Variants in MAPKBP1 observed in about 807,000 individuals in gnomAD.
The protein encoded by MAPKBP1 is mitogen-activated protein kinase binding protein 1.
A neutral mutation model predicts 170.5 loss-of-function variants in MAPKBP1; 71 were observed. That is an observed-to-expected ratio of 0.42 (90% CI 0.34 to 0.51). MAPKBP1 has a LOEUF of 0.51. MAPKBP1 is among the 20% of genes least tolerant of loss of function. MAPKBP1 has a pLI of 0.06. For synonymous variants in MAPKBP1, 719 were observed against 757.9 expected (o/e 0.95, Z 0.84); for missense variants, 1,598 against 1,933.0 (o/e 0.83, Z 3.25).
At chr15:41,810,040 A>G (rs928883055) in intron 3 of MAPKBP1, among the ~76,000 whole-genome samples, 9 of 151,864 alleles carry the variant, frequency 5.9e-5, no homozygotes, top group Non-Finnish European at 2.9e-5. Context: ...CTCGCCTCCC[A>G]CTTCCTTCCT....
At chr15:41,787,375 G>A (rs1456393132) in intron 2 of MAPKBP1, among the ~76,000 whole-genome samples, 1 of 148,632 alleles carries the variant, frequency 6.7e-6, no homozygotes, top group African/African-American at 2.5e-5. Flanking sequence ...TTTATTTTTG[G>A]GTGGGGGGCA....
At chr15:41,781,815 G>A (rs1731069040) in intron 2 of MAPKBP1, among the ~76,000 whole-genome samples, 1 of 152,006 alleles carries the variant, frequency 6.6e-6, no homozygotes, top group Non-Finnish European at 1.5e-5. Context: ...TTCAGGATTT[G>A]AGTGTTGCTC....
At chr15:41,782,952 G>T (rs545129934) in intron 2 of MAPKBP1, among the ~76,000 whole-genome samples, 1 of 152,190 alleles carries the variant, frequency 6.6e-6, no homozygotes, top group Admixed American at 6.5e-5. Context: ...TCCAGCTCCA[G>T]ATTTCCTGAA....
chr15:41,825,838 A>T lies in MAPKBP1; in HGVS notation c.*402A>T. ...CACAGGGTACTCTGGGGTCGAGGTG[A>T]GAGGTGATGTGGTATTCAGTGCCCG... On this transcript the variant is annotated 3_prime_UTR_variant, in exon 31 of 31. Transcript: ENST00000457542. 6.2e-6 allele frequency: 1 copy of T among 161,134 alleles called. No homozygotes were observed. Among genetic ancestry groups the T allele is most frequent in the Non-Finnish European group, 1.4e-5 (1 of 73,804 alleles). 10.0% of individuals were successfully genotyped at this position (161,134 alleles called of 1,614,324 possible). A position where few individuals can be genotyped will look rare whatever the true frequency, so the allele number is the denominator to read the frequency against.
At chr15:41,813,884 AAGAT>A in intron 9 of MAPKBP1, 103 bp downstream of exon 9, 1 of 1,323,870 alleles carries the variant, frequency 7.6e-7, no homozygotes, top group Non-Finnish European at 1.0e-6. Context: ...TGATGCCCCA[AAGAT>A]TATTGGGAAC....
Position 41,825,227 on chromosome 15 carries a change from C to T in MAPKBP1, c.4318C>T (p.Pro1440Ser). 1 of 1,589,566 alleles carries T rather than the reference C, an allele frequency of 6.3e-7. No homozygotes were observed. The highest frequency in any genetic ancestry group is 8.6e-7 in the Non-Finnish European group (1 of 1,161,932). Residue 1440 changes from proline (P) to serine (S), a missense_variant, in exon 31 of 31, where the codon CCC becomes TCC. Coordinates refer to ENST00000457542, the MANE Select transcript of MAPKBP1 (RefSeq NM_014994.3). Reference sequence around the variant, plus strand: ...ATTTCAGGTGGCTGGCTGCAAGATGCCCTCAGCAGAGCAAAGTCGGATTGC... The same window carrying T: ...ATTTCAGGTGGCTGGCTGCAAGATGTCCTCAGCAGAGCAAAGTCGGATTGC... ...LYHSVAGCKM[P>S]SAEQSRIAQL...
intron 21 of MAPKBP1, 61 bp downstream of exon 21, chr15:41,819,440 T>A: frequency 6.2e-7 from 1 of 1,603,796 alleles, no homozygotes; most frequent in Non-Finnish European, 8.5e-7. Flanking sequence ...CTAGATATGG[T>A]TTTTCTGAGA....
intron 3 of MAPKBP1, among the ~76,000 whole-genome samples, chr15:41,808,312 G>A (rs2152076843): frequency 6.6e-6 from 1 of 150,856 alleles, no homozygotes; most frequent in Admixed American, 6.6e-5. Flanking sequence ...TCACCATGTT[G>A]GCCAGGATGG....
chr15:41,818,852 A>G lies in MAPKBP1; in HGVS notation c.2186A>G (p.Glu729Gly), dbSNP rs764764294. ...SCIFVWRLSS[E>G]MTISMRQRLA... ...ATATTTGTGTGGCGCCTGAGCTCTG[A>G]GATGACCATCAGCATGAGGCAGCGT... Residue 729 changes from glutamate (E) to glycine (G), a missense_variant, in exon 20 of 31, where the codon GAG becomes GGG. Glu to Gly is a moderately conservative substitution (Grantham distance 98). Transcript: ENST00000457542. The surrounding 1 kb of genome is among the most constrained non-coding windows in gnomAD (Gnocchi z 5.2). 6.2e-7 allele frequency: 1 copy of G among 1,614,168 alleles called. No individual in the cohort carries two copies. The highest frequency in any genetic ancestry group is 1.1e-5 in the South Asian group (1 of 91,080).
At chr15:41,825,034 G>T (rs2065066530) in intron 30 of MAPKBP1, 175 bp from the exon 31 acceptor site, 3 of 573,274 alleles carry the variant, frequency 5.2e-6, no homozygotes, top group African/African-American at 1.9e-5. Flanking sequence ...TTCCTCCTTG[G>T]GCGTCACCCC....
chr15:41,825,382 A>C lies in MAPKBP1; in HGVS notation c.4473A>C (p.Gln1491His), dbSNP rs1052866901. Residue 1491 changes from glutamine (Q) to histidine (H), a missense_variant, in exon 31 of 31, where the codon CAA (glutamine) becomes CAC (histidine). By Grantham distance (24) the Gln-to-His change is conservative. Coordinates refer to ENST00000457542, the MANE Select transcript of MAPKBP1 (RefSeq NM_014994.3). ...AGCAGACACAGGCCCTGCTGGAGCA[A>C]TACTCAGAACTGTTGCTTCGAGCCG... ...GAEQTQALLEQYSELLLRAVE... is the reference protein window; with the variant it reads ...GAEQTQALLEHYSELLLRAVE... 3.1e-6 allele frequency: 5 copies of C among 1,613,426 alleles called. No homozygotes were observed. The highest frequency in any genetic ancestry group is 4.2e-6 in the Non-Finnish European group (5 of 1,179,982).
chr15:41,782,626 G>C lies in MAPKBP1; in HGVS notation c.114+7237G>C, dbSNP rs1190099368. ...GAGTGGCTAAGCAAGAATTCAAATA[G>C]AGGCTTTCTGAACTCCAGGGCCCAC... On this transcript the variant is annotated intron_variant, in intron 2 of 30. Transcript: ENST00000457542. Among the ~76,000 whole-genome samples the C allele has an allele frequency of 3.3e-5, 5 of 152,158 alleles. No individual in the cohort carries two copies. In the East Asian group the frequency reaches 9.6e-4, roughly 29 times the overall value.
chr15:41,819,544 T>TGGTGGG (rs200421549), intron 21 of MAPKBP1, 51 bp from the exon 22 acceptor site: 2 of 912,356 alleles, frequency 2.2e-6, no homozygotes, highest in Admixed American at 2.5e-5. Context: ...CAGGGTTGGG[T>TGGTGGG]GGCGGGGGGG....
Position 41,817,918 on chromosome 15 carries a change from G to A in MAPKBP1, c.1905-91G>A. On this transcript the variant is annotated intron_variant, in intron 16 of 30. Transcript: ENST00000457542. This position sits in a 1 kb window ranked among gnomAD's most constrained non-coding sequence, Gnocchi z 4.2. ...CTGCTGGGGGTAGCTCCCAGAGAGT[G>A]TAGACTGGGAGTGAAAGCTGGCATT... is the stretch of plus-strand genomic sequence containing the variant. 6.6e-7 allele frequency: 1 copy of A among 1,514,560 alleles called. No homozygotes were observed. The highest frequency in any genetic ancestry group is 9.2e-7 in the Non-Finnish European group (1 of 1,091,778). The allele number at this position is 1,514,560 out of a possible 1,614,324, so 93.8% of individuals were successfully genotyped here. A position where few individuals can be genotyped will look rare whatever the true frequency, so the allele number is the denominator to read the frequency against.
At chr15:41,788,776 A>G (rs2064343796) in intron 2 of MAPKBP1, among the ~76,000 whole-genome samples, 1 of 152,252 alleles carries the variant, frequency 6.6e-6, no homozygotes, top group Admixed American at 6.5e-5. Context: ...TTTATATTTT[A>G]TTTAGTTGAC....
At chr15:41,820,156 G>A (rs541362529) in intron 22 of MAPKBP1, among the ~76,000 whole-genome samples, 10 of 152,150 alleles carry the variant, frequency 6.6e-5, no homozygotes, top group Non-Finnish European at 1.5e-4. Context: ...CTGCCCTGGG[G>A]TGGCCAAAGG....
At chr15:41,789,363 C>T (rs1429474680) in intron 2 of MAPKBP1, among the ~76,000 whole-genome samples, 1 of 152,060 alleles carries the variant, frequency 6.6e-6, no homozygotes, top group East Asian at 1.9e-4. Flanking sequence ...CCTTTTCTTG[C>T]CTTTCTGATA....
intron 2 of MAPKBP1, among the ~76,000 whole-genome samples, chr15:41,797,335 C>G (rs1418118004): frequency 6.6e-6 from 1 of 152,202 alleles, no homozygotes; most frequent in East Asian, 1.9e-4. Flanking sequence ...AAGAGTTGAG[C>G]AGCCCTTTAG....
intron 6 of MAPKBP1, 75 bp from the exon 7 acceptor site, chr15:41,812,441 C>T (rs2064821547): frequency 3.2e-6 from 5 of 1,576,512 alleles, no homozygotes; most frequent in Non-Finnish European, 4.4e-6. Flanking sequence ...TTCTAATTCT[C>T]CTCCATTCTC....
Sources: allele counts gnomAD v4.1 joint callset (sites outside exome capture counted in the v4.1 genomes callset), GRCh38; gene constraint gnomAD v4.1.1; non-coding constraint Gnocchi (gnomAD v3.1); transcripts MANE v1.5; gene names NCBI Gene and HGNC (gene_info 2026-07-23, HGNC 2026-07-21).